TRAPPC13: variants seen among roughly 807,000 people sequenced by gnomAD.
TRAPPC13 encodes the protein trafficking protein particle complex subunit 13.
In TRAPPC13, 39 loss-of-function variants were observed where a neutral mutation model predicts 54.0. That is an observed-to-expected ratio of 0.72 (90% CI 0.56 to 0.94). The LOEUF (loss-of-function observed/expected upper bound fraction) is 0.94. Ranked by LOEUF, TRAPPC13 falls within the 40% of genes least tolerant of loss-of-function variation. The pLI is 0.00. For synonymous variants in TRAPPC13, 148 were observed against 167.7 expected (o/e 0.88, Z 0.91); for missense variants, 386 against 488.1 (o/e 0.79, Z 1.97).
At chr5:65,651,325 G>A (rs1204618270) in intron 6 of TRAPPC13, among the ~76,000 whole-genome samples, 1 of 152,136 alleles carries the variant, frequency 6.6e-6, no homozygotes, top group Non-Finnish European at 1.5e-5. Context: ...AGGCTTCAGT[G>A]AGCTGTGATC....
intron 4 of TRAPPC13, among the ~76,000 whole-genome samples, chr5:65,646,471 T>C (rs1353014007): frequency 3.3e-5 from 5 of 152,204 alleles, no homozygotes. Context: ...CATGTGTTCA[T>C]ACTGATGCCT....
intron 4 of TRAPPC13, among the ~76,000 whole-genome samples, chr5:65,645,198 CA>C (rs71610504): frequency 1.1e-3 from 120 of 108,748 alleles, no homozygotes; most frequent in Middle Eastern, 4.8e-3. Flanking sequence ...AACTCTGTCT[CA>C]AAAAAAAAAA....
intron 4 of TRAPPC13, among the ~76,000 whole-genome samples, chr5:65,645,593 A>G (rs1345984340): frequency 6.6e-6 from 1 of 152,146 alleles, no homozygotes; most frequent in Non-Finnish European, 1.5e-5. Context: ...TCACGAGGTC[A>G]GGAGATCAAG....
chr5:65,652,614 T>C (rs1354165503), intron 7 of TRAPPC13, 69 bp downstream of exon 7: 1 of 1,104,942 alleles, frequency 9.1e-7, no homozygotes, highest in African/African-American at 1.5e-5. Flanking sequence ...AAATCTCTTA[T>C]ATACATTTCT....
In TRAPPC13 at chr5:65,635,364, T is replaced by TA. The variant is rs1315775005; in HGVS notation, c.111dup (p.Pro38ThrfsTer6). ...CCAGTAACATGTGAAGAGAAAGACT[T>TA]ACCTGGTATGGCACATGCTTTCCTC... On this transcript the variant is annotated frameshift_variant, in exon 2 of 13. Transcript: ENST00000399438. LOFTEE classifies it high-confidence loss of function. The TA allele has an allele frequency of 1.9e-6, 3 of 1,612,776 alleles. No homozygotes were observed. The highest frequency in any genetic ancestry group is 2.5e-6 in the Non-Finnish European group (3 of 1,179,128).
At chr5:65,638,138 A>AAAG (rs1755831051) in intron 4 of TRAPPC13, among the ~76,000 whole-genome samples, 1 of 149,712 alleles carries the variant, frequency 6.7e-6, no homozygotes, top group African/African-American at 2.5e-5. Context: ...AAAAAAAAAG[A>AAAG]AAAAAAGGTT....
intron 4 of TRAPPC13, among the ~76,000 whole-genome samples, chr5:65,642,983 A>G (rs1756027056): frequency 6.6e-6 from 1 of 152,206 alleles, no homozygotes; most frequent in South Asian, 2.1e-4. Flanking sequence ...TGAACATCCC[A>G]AACACCGTAT....
At chr5:65,640,263 T>C (rs1036065304) in intron 4 of TRAPPC13, among the ~76,000 whole-genome samples, 4 of 152,156 alleles carry the variant, frequency 2.6e-5, no homozygotes, top group African/African-American at 9.7e-5. Context: ...TCAGGCCAGG[T>C]GTGGTGGCTC....
chr5:65,656,535 T>C (rs1015534138), intron 8 of TRAPPC13, among the ~76,000 whole-genome samples: 1 of 151,936 alleles, frequency 6.6e-6, no homozygotes, highest in Non-Finnish European at 1.5e-5. Context: ...GAATCTGTTT[T>C]ATTTTAGATA....
At chr5:65,649,753 C>T (rs1756352143) in intron 5 of TRAPPC13, among the ~76,000 whole-genome samples, 1 of 152,000 alleles carries the variant, frequency 6.6e-6, no homozygotes, top group African/African-American at 2.4e-5. Context: ...GTATTTTATC[C>T]TAGTTTGTTT....
In TRAPPC13 at chr5:65,660,886, C is replaced by T. The variant is rs1561778231; in HGVS notation, c.886C>T (p.Leu296Phe). Residue 296 changes from leucine to phenylalanine, a missense_variant, in exon 10 of 13, where the codon CTT becomes TTT. Coordinates refer to ENST00000399438, the MANE Select transcript of TRAPPC13 (RefSeq NM_024941.4). ...AAGGGGAAGGTTACAGACCAGCCAA[C>T]TTCAAAGAATGGTGAGTCTGGAAAA... ...GERGRLQTSQ[L>F]QRMAPGYGDV... 10 of 1,608,552 alleles carry T rather than the reference C, an allele frequency of 6.2e-6. No homozygotes were observed. The highest frequency in any genetic ancestry group is 8.5e-6 in the Non-Finnish European group (10 of 1,177,506).
intron 3 of TRAPPC13, 95 bp downstream of exon 3, chr5:65,636,138 AT>A: frequency 1.4e-6 from 1 of 722,914 alleles, no homozygotes; most frequent in Non-Finnish European, 2.2e-6. Flanking sequence ...CTCATGATAC[AT>A]TTACCTTTTT....
intron 1 of TRAPPC13, 153 bp downstream of exon 1, chr5:65,625,259 CTGGA>C: frequency 1.5e-6 from 1 of 674,086 alleles, no homozygotes; most frequent in Non-Finnish European, 2.6e-6. Context: ...GCGATTTCTC[CTGGA>C]TGCTTTTTAG....
intron 9 of TRAPPC13, among the ~76,000 whole-genome samples, chr5:65,660,199 T>G (rs1196714037): frequency 1.3e-5 from 2 of 152,188 alleles, no homozygotes; most frequent in East Asian, 3.9e-4. Flanking sequence ...TCTCTTATTA[T>G]TCTAAACTCT....
intron 1 of TRAPPC13, among the ~76,000 whole-genome samples, chr5:65,627,067 G>A (rs1755267996): frequency 6.9e-6 from 1 of 144,686 alleles, no homozygotes; most frequent in Admixed American, 7.1e-5. Flanking sequence ...GGGAGGCAGA[G>A]GCTGCAGTGA....
At chr5:65,650,732 T>C in intron 5 of TRAPPC13, 78 bp from the exon 6 acceptor site, 1 of 1,172,548 alleles carries the variant, frequency 8.5e-7, no homozygotes, top group East Asian at 2.4e-5. Flanking sequence ...CCAAATTTCT[T>C]AGTAGAATTG....
chr5:65,651,954 T>C (rs154952), intron 6 of TRAPPC13, among the ~76,000 whole-genome samples: 89,734 of 148,646 alleles, frequency 0.6, 27,278 homozygotes, highest in South Asian at 0.65. Context: ...GCCTCCGCCT[T>C]GTGGGTGCAA....
At chr5:65,655,879 CA>C (rs1756633296) in intron 8 of TRAPPC13, among the ~76,000 whole-genome samples, 1 of 151,760 alleles carries the variant, frequency 6.6e-6, no homozygotes, top group African/African-American at 2.4e-5. Flanking sequence ...CATACTGAAA[CA>C]ATTCTCATTT....
intron 4 of TRAPPC13, among the ~76,000 whole-genome samples, chr5:65,639,274 A>G (rs1175073622): frequency 6.6e-6 from 1 of 152,172 alleles, no homozygotes; most frequent in African/African-American, 2.4e-5. Flanking sequence ...ATCAGTAGCC[A>G]TACAATAGAG....
Sources: gnomAD v4.1 joint callset for allele counts (sites outside exome capture counted in the v4.1 genomes callset) on GRCh38, gnomAD v4.1.1 for gene constraint, MANE v1.5 for transcripts, NCBI Gene and HGNC (gene_info 2026-07-23, HGNC 2026-07-21) for gene names.